The following DISC1 variants were observed in gnomAD, a reference collection of about 807,000 sequenced individuals.
DISC1 encodes DISC1 scaffold protein.
In DISC1, 57 loss-of-function variants were observed where a neutral mutation model predicts 84.5. The ratio of observed to expected loss-of-function variants is 0.67; its 90% CI spans 0.55 to 0.84. The LOEUF is 0.84. DISC1 is among the 40% of genes least tolerant of loss of function. The pLI is 0.00. For missense variants in DISC1, 1,000 were observed against 1,057.8 expected, an observed-to-expected ratio of 0.95 and a Z score of 0.76; for synonymous variants, 411 against 415.2, an observed-to-expected ratio of 0.99 and a Z score of 0.12.
chr1:231,663,301 G>C (rs564623673), intron 1 of DISC1, among the ~76,000 whole-genome samples: 3 of 152,248 alleles, frequency 2.0e-5, no homozygotes, highest in Admixed American at 6.5e-5. Flanking sequence ...AAACATCAGA[G>C]CTCCACAATA....
At chr1:231,762,376 C>T (rs1438423876) in intron 4 of DISC1, among the ~76,000 whole-genome samples, 4 of 151,162 alleles carry the variant, frequency 2.6e-5, no homozygotes, top group Non-Finnish European at 5.9e-5. Context: ...GCCCTGTTGC[C>T]TAGGCTGGGG....
chr1:231,717,279 A>C (rs771535860), intron 3 of DISC1, among the ~76,000 whole-genome samples: 77 of 152,236 alleles, frequency 5.1e-4, no homozygotes, highest in Non-Finnish European at 8.4e-4. Flanking sequence ...AAGGTTAACA[A>C]GGTCTTCAGT....
intron 9 of DISC1, among the ~76,000 whole-genome samples, chr1:231,829,036 T>C (rs938563675): frequency 2.0e-5 from 3 of 152,210 alleles, no homozygotes; most frequent in African/African-American, 7.2e-5. Context: ...TTATTTTTTA[T>C]GTACATAACA....
At chr1:231,701,163 G>A (rs1369983598) in intron 2 of DISC1, among the ~76,000 whole-genome samples, 1 of 152,190 alleles carries the variant, frequency 6.6e-6, no homozygotes, top group Non-Finnish European at 1.5e-5. Context: ...TTACACAGTG[G>A]CAGGCAAGAG....
intron 6 of DISC1, among the ~76,000 whole-genome samples, chr1:231,783,501 T>C (rs1057321532): frequency 1.1e-4 from 16 of 152,202 alleles, no homozygotes. Flanking sequence ...GGCACATGAA[T>C]TACAGTTTCA....
intron 1 of DISC1, among the ~76,000 whole-genome samples, chr1:231,642,909 C>T (rs1030683307): frequency 7.2e-5 from 11 of 152,314 alleles, no homozygotes; most frequent in African/African-American, 2.6e-4. Context: ...AGGAAATAGT[C>T]ACAGTGAAAA....
chr1:231,667,422 C>T (rs778126573), intron 1 of DISC1, among the ~76,000 whole-genome samples: 7 of 152,166 alleles, frequency 4.6e-5, no homozygotes, highest in Non-Finnish European at 7.3e-5. Flanking sequence ...TGCTTTCTTT[C>T]CTATGATGTG....
chr1:231,674,481 T>G (rs1031015320), intron 1 of DISC1, among the ~76,000 whole-genome samples: 6 of 152,260 alleles, frequency 3.9e-5, no homozygotes, highest in Admixed American at 2.0e-4. Flanking sequence ...CTTTGGAGTT[T>G]ACAATGTATT....
chr1:231,712,516 A>G (rs2068008255), intron 3 of DISC1, among the ~76,000 whole-genome samples: 1 of 152,238 alleles, frequency 6.6e-6, no homozygotes, highest in Non-Finnish European at 1.5e-5. Context: ...CTGAATAAAG[A>G]AAAAGGCCAC....
At chr1:231,842,189 G>A (rs752638283) in intron 9 of DISC1, among the ~76,000 whole-genome samples, 1 of 152,094 alleles carries the variant, frequency 6.6e-6, no homozygotes, top group Non-Finnish European at 1.5e-5. Context: ...TTTTTGTAGA[G>A]ATAGGATCTC....
rs530995838 is a variant in DISC1, at chr1:231,754,434, G to A, written c.1268+4358G>A. ...ATATCACATGGCTGGAGCAGCAAGAGAGAGAGAAATGGGAGGTATTACTCA... is the reference window on the plus strand; with the variant it reads ...ATATCACATGGCTGGAGCAGCAAGAAAGAGAGAAATGGGAGGTATTACTCA... On this transcript the variant is annotated intron_variant, in intron 4 of 12. Transcript: ENST00000439617. Among the ~76,000 whole-genome samples the A allele has an allele frequency of 7.9e-5, 12 of 152,288 alleles. No individual in the cohort carries two copies. In the East Asian group the frequency reaches 2.3e-3, roughly 29 times the overall value.
At chr1:231,769,360 A>T (rs981041409) in intron 5 of DISC1, among the ~76,000 whole-genome samples, 18 of 152,250 alleles carry the variant, frequency 1.2e-4, no homozygotes, top group Non-Finnish European at 1.8e-4. Context: ...CCAAAAGGTG[A>T]TAACAACTCA....
chr1:231,889,565 T>G (rs1015573050), intron 9 of DISC1, among the ~76,000 whole-genome samples: 2 of 152,192 alleles, frequency 1.3e-5, no homozygotes, highest in East Asian at 3.8e-4. Context: ...GTTTCTGGAC[T>G]CTTTAGGAGC....
chr1:231,891,330 G>A (rs2087197741), intron 9 of DISC1, among the ~76,000 whole-genome samples: 1 of 152,182 alleles, frequency 6.6e-6, no homozygotes, highest in Non-Finnish European at 1.5e-5. Context: ...GGACAAGCTT[G>A]GTCTAACATA....
chr1:231,911,431 A>G (rs145966879), intron 9 of DISC1, among the ~76,000 whole-genome samples: 2,178 of 152,206 alleles, frequency 0.014, 27 homozygotes, highest in Non-Finnish European at 0.022. Flanking sequence ...TCCTTTGCTT[A>G]TGTAGCTTAG....
At chr1:231,819,012 A>G (rs1442285257) in intron 9 of DISC1, 33 of 994,998 alleles carry the variant, frequency 3.3e-5, no homozygotes, top group Non-Finnish European at 3.8e-5. Flanking sequence ...CGCCTTAGCC[A>G]AAGTGTCTGC....
At chr1:231,750,744 C>A in intron 4 of DISC1, 1 of 230,894 alleles carries the variant, frequency 4.3e-6, no homozygotes, top group Non-Finnish European at 7.1e-6. Context: ...ACCACTGCTC[C>A]ATCTACCTTT....
At chr1:231,993,241 T>C (rs1665464108) in intron 10 of DISC1, among the ~76,000 whole-genome samples, 1 of 151,908 alleles carries the variant, frequency 6.6e-6, no homozygotes, top group Non-Finnish European at 1.5e-5. Flanking sequence ...ACTTTGCAGG[T>C]GTGTGGAGAA....
chr1:231,723,633 T>G lies in DISC1; in HGVS notation c.1117+21609T>G, dbSNP rs2070199191. The G allele has an allele frequency of 5.1e-6, 5 of 985,348 alleles. No homozygotes were observed. The Admixed American group carries it at 1.8e-4, about 36-fold the overall frequency. The allele number at this position is 985,348 out of a possible 1,614,324, so 61.0% of individuals were successfully genotyped here. Reference sequence around the variant, plus strand: ...TCTGTCTTATAACAGTCTGCTCTGGTGATTTTTGTCTCATCAATTGGATTA... The same window carrying G: ...TCTGTCTTATAACAGTCTGCTCTGGGGATTTTTGTCTCATCAATTGGATTA... On this transcript the variant is annotated intron_variant, in intron 3 of 12. Coordinates refer to ENST00000439617, the MANE Select transcript of DISC1 (RefSeq NM_018662.3).
Sources: gnomAD v4.1 joint callset for allele counts (sites outside exome capture counted in the v4.1 genomes callset) on GRCh38, gnomAD v4.1.1 for gene constraint, MANE v1.5 for transcripts, NCBI Gene and HGNC (gene_info 2026-07-23, HGNC 2026-07-21) for gene names.